Variants in RNF216 observed in about 807,000 individuals in gnomAD.
RNF216 encodes E3 ubiquitin-protein ligase RNF216.
RNF216 carries 72 observed loss-of-function variants against 110.8 expected under a neutral mutation model. That is an observed-to-expected ratio of 0.65 (90% CI 0.54 to 0.79). The LOEUF (loss-of-function observed/expected upper bound fraction) is 0.79. Among genes scored for constraint, RNF216 ranks in the 30% least tolerant of loss-of-function variants. The pLI, the probability that RNF216 is intolerant of heterozygous loss-of-function variation, is 0.00. For missense variants in RNF216, 1,342 were observed against 1,141.2 expected (o/e 1.18, Z -2.54); for synonymous variants, 495 against 407.5 (o/e 1.21, Z -2.59).
In RNF216 at chr7:5,624,242, G is replaced by A; in HGVS notation, c.2383-117C>T. ...CCATGGAACAAGCCCGAAGCCTGCT[G>A]CTGGCCAGTGGGGCCTGGGCTGCAC... is the stretch of plus-strand genomic sequence containing the variant. On this transcript the variant is annotated intron_variant, in intron 15 of 16. Transcript: ENST00000389902. This position sits in a 1 kb window ranked among gnomAD's most constrained non-coding sequence, Gnocchi z 4.4. 1 of 786,576 alleles carries A rather than the reference G, an allele frequency of 1.3e-6. No individual in the cohort carries two copies. The highest frequency in any genetic ancestry group is 2.1e-6 in the Non-Finnish European group (1 of 480,868). 48.7% of individuals were successfully genotyped at this position (786,576 alleles called of 1,614,324 possible).
intron 13 of RNF216, among the ~76,000 whole-genome samples, chr7:5,693,393 C>T (rs190856421): frequency 1.9e-4 from 29 of 152,288 alleles, no homozygotes; most frequent in South Asian, 4.1e-4. Flanking sequence ...GCTGACCCCC[C>T]GGTATGGACC....
chr7:5,772,575 T>C (rs1413525391), intron 1 of RNF216, among the ~76,000 whole-genome samples: 2 of 152,136 alleles, frequency 1.3e-5, no homozygotes, highest in African/African-American at 4.8e-5. Context: ...GAGAAACCAC[T>C]GTGCCTCAGA....
At chr7:5,712,945 G>C (rs1792811221) in intron 11 of RNF216, 82 bp from the exon 12 acceptor site, 3 of 1,262,132 alleles carry the variant, frequency 2.4e-6, no homozygotes, top group Non-Finnish European at 3.3e-6. Flanking sequence ...TAAAAACATA[G>C]ATCCTGAGAC....
intron 13 of RNF216, among the ~76,000 whole-genome samples, chr7:5,692,944 G>A (rs988462773): frequency 1.3e-5 from 2 of 152,172 alleles, no homozygotes; most frequent in African/African-American, 4.8e-5. Context: ...CTTCCAAATA[G>A]ATTTTATGTC....
Position 5,748,986 on chromosome 7 carries a change from G to A in RNF216, c.201+3860C>T, listed in dbSNP as rs556063726. Among the ~76,000 whole-genome samples the A allele has an allele frequency of 3.7e-4, 56 of 152,218 alleles. No homozygotes were observed. The South Asian group carries it at 3.9e-3, about 11-fold the overall frequency. On this transcript the variant is annotated intron_variant, in intron 3 of 16. Coordinates refer to ENST00000389902, the MANE Select transcript of RNF216 (RefSeq NM_207111.4). Reference sequence around the variant, plus strand: ...GGTATTTCTCTACCAAAATATATGAGAGAACTCTGATAATCGGTTTAAGGA... The same window carrying A: ...GGTATTTCTCTACCAAAATATATGAAAGAACTCTGATAATCGGTTTAAGGA...
rs753346261 is a variant in RNF216 at position 5,622,823 on chromosome 7, A to C, written c.*37T>G. 6.4e-7 allele frequency: 1 copy of C among 1,552,316 alleles called. No homozygotes were observed. The highest frequency in any genetic ancestry group is 8.7e-7 in the Non-Finnish European group (1 of 1,144,490). ...GTTCTCCATCCACACTCCTACCCCA[A>C]ACGGGCTTTGTGCTGCTCAATGGGG... On this transcript the variant is annotated 3_prime_UTR_variant, in exon 17 of 17. Coordinates refer to ENST00000389902, the MANE Select transcript of RNF216 (RefSeq NM_207111.4).
intron 14 of RNF216, among the ~76,000 whole-genome samples, chr7:5,641,979 G>A (rs956854806): frequency 2.0e-5 from 3 of 146,534 alleles, no homozygotes; most frequent in African/African-American, 7.7e-5. Flanking sequence ...GCTGCAGTGA[G>A]CTGAGACCGT....
chr7:5,683,902 T>A (rs940407461), intron 13 of RNF216, among the ~76,000 whole-genome samples: 1 of 152,076 alleles, frequency 6.6e-6, no homozygotes, highest in Non-Finnish European at 1.5e-5. Context: ...TTCTCCAGCC[T>A]GCACAGAGAA....
chr7:5,667,260 ATATT>A (rs1354440840), intron 13 of RNF216, among the ~76,000 whole-genome samples: 3 of 152,204 alleles, frequency 2.0e-5, no homozygotes, highest in Non-Finnish European at 4.4e-5. Context: ...TGTTCCACCT[ATATT>A]TATTTATGTT....
At chr7:5,652,371 G>T (rs777798857) in intron 14 of RNF216, 42 bp downstream of exon 14, 8 of 1,413,006 alleles carry the variant, frequency 5.7e-6, no homozygotes, top group Non-Finnish European at 8.0e-6. Context: ...TAATGGGGAA[G>T]TTGAGAATCA....
intron 13 of RNF216, among the ~76,000 whole-genome samples, chr7:5,707,856 G>A (rs907968731): frequency 1.3e-5 from 2 of 151,438 alleles, no homozygotes; most frequent in African/African-American, 4.9e-5. Context: ...CTCCCAAGTA[G>A]CTGCGATTAC....
intron 8 of RNF216, among the ~76,000 whole-genome samples, chr7:5,723,143 A>G (rs1562430791): frequency 6.6e-6 from 1 of 152,120 alleles, no homozygotes; most frequent in Non-Finnish European, 1.5e-5. Flanking sequence ...CATACATCTC[A>G]TAAGGCTATT....
intron 1 of RNF216, among the ~76,000 whole-genome samples, chr7:5,773,296 G>A (rs919646635): frequency 1.3e-4 from 20 of 151,078 alleles, no homozygotes; most frequent in African/African-American, 4.4e-4. Flanking sequence ...GGGCTGGAGT[G>A]CAGTGGTGCA....
intron 13 of RNF216, among the ~76,000 whole-genome samples, chr7:5,659,784 G>A (rs759297438): frequency 6.6e-6 from 1 of 152,106 alleles, no homozygotes; most frequent in Non-Finnish European, 1.5e-5. Flanking sequence ...CCTGAAACAA[G>A]GTGTGCCAAC....
At chr7:5,721,406 G>A (rs966591606) in intron 8 of RNF216, among the ~76,000 whole-genome samples, 1 of 152,104 alleles carries the variant, frequency 6.6e-6, no homozygotes, top group Admixed American at 6.6e-5. Context: ...CAATTGGAAG[G>A]CATCTCCTAT....
intron 1 of RNF216, among the ~76,000 whole-genome samples, chr7:5,776,673 T>C (rs180784484): frequency 1.4e-5 from 2 of 148,052 alleles, no homozygotes; most frequent in African/African-American, 5.0e-5. Context: ...CATATCAAGC[T>C]AAAGTGAGAG....
chr7:5,710,714 G>C (rs1792626779), intron 13 of RNF216, among the ~76,000 whole-genome samples: 1 of 152,142 alleles, frequency 6.6e-6, no homozygotes. Context: ...CCGGGGCCTA[G>C]AACATTTCTC....
At chr7:5,649,921 G>A (rs1360185963) in intron 14 of RNF216, 1 of 152,224 alleles carries the variant, frequency 6.6e-6, no homozygotes, top group Non-Finnish European at 1.5e-5. Context: ...GAGAACACCA[G>A]CAGCCAGTGA....
intron 13 of RNF216, 78 bp from the exon 14 acceptor site, chr7:5,652,588 T>A: frequency 1.1e-6 from 1 of 909,330 alleles, no homozygotes; most frequent in Non-Finnish European, 1.8e-6. Flanking sequence ...AAAAGGGATA[T>A]GAAATGAGCT....
Sources: allele counts gnomAD v4.1 joint callset (sites outside exome capture counted in the v4.1 genomes callset), GRCh38; gene constraint gnomAD v4.1.1; non-coding constraint Gnocchi (gnomAD v3.1); transcripts MANE v1.5; gene names NCBI Gene and HGNC (gene_info 2026-07-23, HGNC 2026-07-21).